Variants in NCALD observed in about 807,000 individuals in gnomAD.
NCALD encodes the protein neurocalcin delta, also known as neurocalcin-delta.
A neutral mutation model predicts 18.6 loss-of-function variants in NCALD; 10 were observed. The ratio of observed to expected loss-of-function variants is 0.54; its 90% confidence interval spans 0.33 to 0.91. The LOEUF is 0.91. Among genes scored for constraint, NCALD ranks in the 40% least tolerant of loss-of-function variants. The pLI is 0.03. For synonymous variants in NCALD, 88 were observed against 87.4 expected (o/e 1.01, Z -0.04); for missense variants, 184 against 247.6 (o/e 0.74, Z 1.72).
chr8:101,852,051 TCA>T (rs1815114491), intron 4 of NCALD, among the ~76,000 whole-genome samples: 1 of 152,096 alleles, frequency 6.6e-6, no homozygotes, highest in Non-Finnish European at 1.5e-5. Flanking sequence ...GAACAGGCCT[TCA>T]CCTCACTGAA....
intron 1 of NCALD, among the ~76,000 whole-genome samples, chr8:101,782,841 A>G (rs1812072525): frequency 1.3e-5 from 2 of 152,208 alleles, no homozygotes; most frequent in Non-Finnish European, 2.9e-5. Flanking sequence ...TATGTCCTGC[A>G]TGATGCTGGG....
At chr8:102,017,179 T>C (rs893578862) in intron 2 of NCALD, among the ~76,000 whole-genome samples, 2 of 152,258 alleles carry the variant, frequency 1.3e-5, no homozygotes, top group East Asian at 1.9e-4. Flanking sequence ...GAGAGAAAGA[T>C]AGAGGTGTCA....
At chr8:102,035,295 CA>C (rs1366021111) in intron 1 of NCALD, among the ~76,000 whole-genome samples, 1 of 152,080 alleles carries the variant, frequency 6.6e-6, no homozygotes. Flanking sequence ...TATATTAACC[CA>C]AAATGGTGAC....
intron 3 of NCALD, among the ~76,000 whole-genome samples, chr8:101,889,737 A>C (rs552438442): frequency 6.6e-6 from 1 of 152,326 alleles, no homozygotes; most frequent in East Asian, 1.9e-4. Context: ...AGCTTCCCAC[A>C]TCTTGTTGTG....
chr8:102,097,095 C>T (rs1215513274), intron 1 of NCALD, among the ~76,000 whole-genome samples: 1 of 152,152 alleles, frequency 6.6e-6, no homozygotes, highest in East Asian at 1.9e-4. Context: ...ATGAGCATCA[C>T]CAGAAGTCAT....
chr8:102,116,696 T>C (rs1201476241), intron 1 of NCALD, among the ~76,000 whole-genome samples: 1 of 152,058 alleles, frequency 6.6e-6, no homozygotes, highest in East Asian at 1.9e-4. Context: ...TTGGTAGAGA[T>C]GGGGTCTCAC....
At chr8:101,870,911 A>C (rs1217634730) in intron 4 of NCALD, among the ~76,000 whole-genome samples, 1 of 55,168 alleles carries the variant, frequency 1.8e-5, no homozygotes, top group South Asian at 8.0e-4. Flanking sequence ...CCCCCCCCCA[A>C]AAAAAGAGAG....
chr8:102,011,681 T>C (rs1586920803), intron 2 of NCALD, among the ~76,000 whole-genome samples: 1 of 152,228 alleles, frequency 6.6e-6, no homozygotes, highest in African/African-American at 2.4e-5. Context: ...ATTATTGAAT[T>C]GAATTATATT....
intron 4 of NCALD, among the ~76,000 whole-genome samples, chr8:101,830,454 G>A (rs1329106410): frequency 2.0e-5 from 3 of 151,934 alleles, no homozygotes; most frequent in East Asian, 2.0e-4. Flanking sequence ...CCAGCTACTC[G>A]GGAGGCTGAG....
chr8:101,730,957 G>A (rs1422859264), intron 1 of NCALD, among the ~76,000 whole-genome samples: 4 of 152,194 alleles, frequency 2.6e-5, no homozygotes, highest in Non-Finnish European at 2.9e-5. Context: ...GATGTGCCAC[G>A]GAGAAGAGTA....
At chr8:101,796,782 A>G (rs941366198) in intron 4 of NCALD, among the ~76,000 whole-genome samples, 2 of 152,236 alleles carry the variant, frequency 1.3e-5, no homozygotes, top group African/African-American at 2.4e-5. Context: ...AACTTACAAA[A>G]AGACACCGTG....
At chr8:101,844,705 CA>C (rs1814793257) in intron 4 of NCALD, among the ~76,000 whole-genome samples, 1 of 152,098 alleles carries the variant, frequency 6.6e-6, no homozygotes, top group South Asian at 2.1e-4. Flanking sequence ...AATGTTCTTT[CA>C]GATGAGACCC....
At chr8:101,944,027 T>G (rs1329136712) in intron 2 of NCALD, among the ~76,000 whole-genome samples, 1 of 152,088 alleles carries the variant, frequency 6.6e-6, no homozygotes, top group East Asian at 1.9e-4. Flanking sequence ...CTTACTCTAA[T>G]AGTAAGCATT....
intron 1 of NCALD, among the ~76,000 whole-genome samples, chr8:101,762,024 G>A (rs1811132763): frequency 1.3e-5 from 2 of 152,170 alleles, no homozygotes; most frequent in Non-Finnish European, 2.9e-5. Context: ...GAGCATAAGG[G>A]CAATTCTTCT....
intron 4 of NCALD, among the ~76,000 whole-genome samples, chr8:101,827,439 A>T (rs1277249905): frequency 6.6e-6 from 1 of 152,216 alleles, no homozygotes; most frequent in East Asian, 1.9e-4. Flanking sequence ...TACTATAACT[A>T]TCCAAAGCCA....
chr8:101,872,580 T>C lies in NCALD; in HGVS notation c.-20+14561A>G, dbSNP rs545303810. The C allele has an allele frequency of 6.9e-6, 4 of 577,730 alleles. No individual in the cohort carries two copies. The East Asian group carries it at 1.2e-4, about 17-fold the overall frequency. 35.8% of individuals were successfully genotyped at this position (577,730 alleles called of 1,614,324 possible). A position where few individuals can be genotyped will look rare whatever the true frequency, so the allele number is the denominator to read the frequency against. On this transcript the variant is annotated intron_variant, in intron 4 of 6. Coordinates refer to the NCALD transcript ENST00000311028. ...TTCCAATCGCTCAAGCCAATCGTGC[T>C]GGGGAATTCAGATTTTCTAAAAACA...
intron 1 of NCALD, among the ~76,000 whole-genome samples, chr8:102,087,989 GA>G (rs34203133): frequency 0.86 from 130,065 of 152,100 alleles, 56,231 homozygotes; most frequent in African/African-American, 0.97. Flanking sequence ...TGATTAATGG[GA>G]AAAAAAAGGA....
chr8:101,907,499 ATAATT>A (rs1170105067), intron 3 of NCALD, among the ~76,000 whole-genome samples: 2 of 150,676 alleles, frequency 1.3e-5, no homozygotes, highest in Non-Finnish European at 1.5e-5. Context: ...ATTTTATTAA[ATAATT>A]TAATAAATTT....
At chr8:101,783,929 C>T (rs927699358) in intron 1 of NCALD, among the ~76,000 whole-genome samples, 8 of 152,018 alleles carry the variant, frequency 5.3e-5, no homozygotes, top group Non-Finnish European at 1.5e-5. Context: ...TTTAATAATC[C>T]ATATGTACCT....
Sources: gnomAD v4.1 joint callset for allele counts (sites outside exome capture counted in the v4.1 genomes callset) on GRCh38, gnomAD v4.1.1 for gene constraint, MANE v1.5 for transcripts, NCBI Gene and HGNC (gene_info 2026-07-23, HGNC 2026-07-21) for gene names.